The following PLEKHA5 variants were observed in gnomAD, a reference collection of about 807,000 sequenced individuals.
PLEKHA5 encodes pleckstrin homology domain-containing family A member 5.
Under a neutral mutation model 181.9 loss-of-function variants are expected in PLEKHA5, and 55 were observed. The observed-to-expected ratio is 0.30, with a 90% CI of 0.24 to 0.38. PLEKHA5 has a LOEUF of 0.38. Among genes scored for constraint, PLEKHA5 ranks in the 10% least tolerant of loss-of-function variants. The pLI is 1.00. For missense variants in PLEKHA5, 1,432 were observed against 1,549.5 expected (o/e 0.92, Z 1.27); for synonymous variants, 535 against 529.4 (o/e 1.01, Z -0.15).
intron 3 of PLEKHA5, among the ~76,000 whole-genome samples, chr12:19,247,528 A>G (rs1050138277): frequency 3.3e-5 from 5 of 152,182 alleles, no homozygotes; most frequent in Admixed American, 3.3e-4. Context: ...GGAAATATAT[A>G]TACCATTTTA....
At chr12:19,332,310 A>G (rs1248031358) in intron 20 of PLEKHA5, among the ~76,000 whole-genome samples, 2 of 152,056 alleles carry the variant, frequency 1.3e-5, no homozygotes, top group Non-Finnish European at 2.9e-5. Context: ...CCTGCCCAAC[A>G]TGCACACTAT....
intron 20 of PLEKHA5, 151 bp from the exon 21 acceptor site, chr12:19,336,364 T>C (rs1158613863): frequency 3.9e-6 from 2 of 507,396 alleles, no homozygotes; most frequent in Non-Finnish European, 6.9e-6. Context: ...TTGAATTGAG[T>C]TTTAAAAAGG....
At position 19,370,177 on chromosome 12, in the gene PLEKHA5, G is replaced by T. The variant is rs547478067; in HGVS notation, c.*11+379G>T. ...CTATGTAATGCTTTTTACAGTTAGG[G>T]TGACATGTCTGCCCACTGGGAGTTT... On this transcript the variant is annotated intron_variant, in intron 31 of 31. Transcript: ENST00000429027. 1.2e-4 allele frequency among the ~76,000 whole-genome samples: 18 copies of T among 152,302 alleles called. No individual in the cohort carries two copies. The East Asian group carries it at 3.3e-3, about 28-fold the overall frequency.
At chr12:19,334,349 T>C (rs1432468881) in intron 20 of PLEKHA5, among the ~76,000 whole-genome samples, 1 of 152,218 alleles carries the variant, frequency 6.6e-6, no homozygotes, top group Non-Finnish European at 1.5e-5. Context: ...TCTTCACTTC[T>C]AAAATACTGA....
chr12:19,154,552 G>A (rs934410541), intron 3 of PLEKHA5: 2 of 152,122 alleles, frequency 1.3e-5, no homozygotes, highest in Admixed American at 6.6e-5. Context: ...TCGGGAAAAT[G>A]CCCAATAAAA....
chr12:19,235,749 G>A (rs2061322976), intron 3 of PLEKHA5, among the ~76,000 whole-genome samples: 1 of 152,156 alleles, frequency 6.6e-6, no homozygotes, highest in Admixed American at 6.5e-5. Context: ...ATAGGCATAT[G>A]AAGAAAGGTT....
intron 29 of PLEKHA5, among the ~76,000 whole-genome samples, chr12:19,363,118 T>C (rs1241506745): frequency 2.6e-5 from 2 of 77,248 alleles, no homozygotes; most frequent in Non-Finnish European, 1.1e-4. Context: ...ATATTTCTTT[T>C]TTTGTTTTTT....
chr12:19,305,861 CAAAAAAAAA>C (rs376068601), intron 15 of PLEKHA5, among the ~76,000 whole-genome samples: 2 of 37,910 alleles, frequency 5.3e-5, no homozygotes, highest in African/African-American at 8.4e-5. Flanking sequence ...AACTCCATCT[CAAAAAAAAA>C]AAAAAAAAAA....
chr12:19,211,411 G>A (rs2056872738), intron 3 of PLEKHA5, among the ~76,000 whole-genome samples: 4 of 152,118 alleles, frequency 2.6e-5, no homozygotes, highest in Admixed American at 2.6e-4. Context: ...GAGGTGGGCA[G>A]AGGGAAATTT....
chr12:19,251,915 C>T (rs1003455455), intron 3 of PLEKHA5, among the ~76,000 whole-genome samples: 43 of 152,192 alleles, frequency 2.8e-4, no homozygotes, highest in African/African-American at 8.2e-4. Flanking sequence ...TCCACTCCTC[C>T]GTTGTGCCAA....
rs182826384 is a variant in PLEKHA5, at chr12:19,222,463, C to T, written c.228-31477C>T. Among the ~76,000 whole-genome samples, 224 of 152,192 alleles carry T rather than the reference C, an allele frequency of 1.5e-3. 1 individual carries two copies. The highest frequency in any genetic ancestry group is 1.5e-3 in the Non-Finnish European group (99 of 67,996). On this transcript the variant is annotated intron_variant, in intron 3 of 31. Transcript: ENST00000429027. Reference sequence around the variant, plus strand: ...AGTGCACTCACACATGCGGACGCCTCACACTCACCATCCCTTTTTGCAATG... The same window carrying T: ...AGTGCACTCACACATGCGGACGCCTTACACTCACCATCCCTTTTTGCAATG...
chr12:19,285,483 A>G (rs113385137), intron 12 of PLEKHA5, among the ~76,000 whole-genome samples: 7,054 of 152,282 alleles, frequency 0.046, 245 homozygotes, highest in Non-Finnish European at 0.073. Context: ...AGTGGTTCTT[A>G]AAGTGTAGTT....
Position 19,369,813 on chromosome 12 carries a change from T to G in PLEKHA5, c.*11+15T>G. 7.0e-7 allele frequency: 1 copy of G among 1,429,992 alleles called. No homozygotes were observed. The highest frequency in any genetic ancestry group is 9.7e-7 in the Non-Finnish European group (1 of 1,029,552). 88.6% of individuals were successfully genotyped at this position (1,429,992 alleles called of 1,614,324 possible). ...TCTTAGAAGAAGTACGTCATTTCCC[T>G]TTGCATTTGTGCTTTAGTTTTTTAC... On this transcript the variant is annotated intron_variant, in intron 31 of 31. Coordinates refer to ENST00000429027, the MANE Select transcript of PLEKHA5 (RefSeq NM_001256470.2).
intron 3 of PLEKHA5, among the ~76,000 whole-genome samples, chr12:19,145,102 C>G (rs2038544592): frequency 6.6e-6 from 1 of 152,070 alleles, no homozygotes; most frequent in Non-Finnish European, 1.5e-5. Context: ...AGTACCTATG[C>G]TAGTAATCAA....
At chr12:19,222,728 A>G (rs2059144673) in intron 3 of PLEKHA5, among the ~76,000 whole-genome samples, 1 of 152,142 alleles carries the variant, frequency 6.6e-6, no homozygotes, top group Non-Finnish European at 1.5e-5. Flanking sequence ...CTGGAATGAC[A>G]AGCTCAAATG....
At chr12:19,213,848 G>T (rs746287046) in intron 3 of PLEKHA5, among the ~76,000 whole-genome samples, 1 of 152,064 alleles carries the variant, frequency 6.6e-6, no homozygotes, top group Admixed American at 6.5e-5. Flanking sequence ...CATTTTCAGG[G>T]GAAAAACAGG....
In PLEKHA5 at chr12:19,142,905, G is replaced by T. The variant is rs192647321; in HGVS notation, c.227+10455G>T. 7.9e-5 allele frequency among the ~76,000 whole-genome samples: 12 copies of T among 152,048 alleles called. No individual in the cohort carries two copies. In the East Asian group the frequency reaches 2.1e-3, roughly 27 times the overall value. ...CATGCAGTATTTTTCTTTTTGTCTG[G>T]TTTATTTCACTTAGCATAATGTCCT... On this transcript the variant is annotated intron_variant, in intron 3 of 31. Coordinates refer to ENST00000429027, the MANE Select transcript of PLEKHA5 (RefSeq NM_001256470.2).
At chr12:19,244,995 A>G (rs1194460667) in intron 3 of PLEKHA5, among the ~76,000 whole-genome samples, 1 of 152,184 alleles carries the variant, frequency 6.6e-6, no homozygotes, top group Non-Finnish European at 1.5e-5. Flanking sequence ...AAACCCCACC[A>G]AAAACACATG....
Position 19,178,182 on chromosome 12 carries a change from G to A in PLEKHA5, c.227+45732G>A, listed in dbSNP as rs546696392. On this transcript the variant is annotated intron_variant, in intron 3 of 31. Transcript: ENST00000429027. ...CCAAGTATTGTCATTTCCTTTGTGT[G>A]CTGTGACGTGAAAAAAACTGAGGAT... Among the ~76,000 whole-genome samples the A allele has an allele frequency of 2.0e-5, 3 of 152,260 alleles. No homozygotes were observed. The South Asian group carries it at 6.2e-4, about 32-fold the overall frequency.
Sources: allele counts gnomAD v4.1 joint callset (sites outside exome capture counted in the v4.1 genomes callset), GRCh38; gene constraint gnomAD v4.1.1; transcripts MANE v1.5; gene names NCBI Gene and HGNC (gene_info 2026-07-23, HGNC 2026-07-21).